The following SEMA3A variants were observed in gnomAD, a reference collection of about 807,000 sequenced individuals.
SEMA3A encodes the protein semaphorin-3A.
Under a neutral mutation model 97.9 loss-of-function variants are expected in SEMA3A, and 29 were observed. The observed-to-expected ratio is 0.30, with a 90% CI of 0.22 to 0.40. The LOEUF (loss-of-function observed/expected upper bound fraction) is 0.40, where lower values mean the gene tolerates loss of function less well. Among genes scored for constraint, SEMA3A ranks in the 10% least tolerant of loss-of-function variants. SEMA3A has a pLI of 1.00. For synonymous variants in SEMA3A, 321 were observed against 323.7 expected (o/e 0.99, Z 0.09); for missense variants, 763 against 951.3 (o/e 0.80, Z 2.60).
At chr7:84,008,310 T>A (rs1790747286) in intron 9 of SEMA3A, among the ~76,000 whole-genome samples, 1 of 151,796 alleles carries the variant, frequency 6.6e-6, no homozygotes, top group Admixed American at 6.6e-5. Flanking sequence ...GCTAACACGG[T>A]GAAACCCCGT....
chr7:84,011,402 A>C, intron 7 of SEMA3A, 105 bp from the exon 8 acceptor site: 46 of 753,360 alleles, frequency 6.1e-5, no homozygotes, highest in Non-Finnish European at 9.3e-5. Context: ...ACAGTTTCTC[A>C]TGTTTTAAAA....
At chr7:84,232,244 T>C (rs1799132421) in intron 3 of SEMA3A, among the ~76,000 whole-genome samples, 1 of 148,008 alleles carries the variant, frequency 6.8e-6, no homozygotes, top group Admixed American at 6.8e-5. Flanking sequence ...TATATATATA[T>C]TTATATGTAT....
intron 1 of SEMA3A, among the ~76,000 whole-genome samples, chr7:84,456,430 T>C (rs182192029): frequency 6.6e-6 from 1 of 151,984 alleles, no homozygotes; most frequent in East Asian, 1.9e-4. Flanking sequence ...TATCAGACAC[T>C]CTGATTAAGT....
intron 2 of SEMA3A, among the ~76,000 whole-genome samples, chr7:84,334,402 T>TA (rs1372410511): frequency 1.3e-5 from 2 of 152,152 alleles, no homozygotes; most frequent in East Asian, 3.8e-4. Flanking sequence ...TTTTATGGAT[T>TA]AGAAAAGTTT....
chr7:84,165,978 A>G (rs1424006544), intron 1 of SEMA3A, among the ~76,000 whole-genome samples: 3 of 152,208 alleles, frequency 2.0e-5, no homozygotes, highest in Non-Finnish European at 4.4e-5. Context: ...GTAAGATAAG[A>G]AAGATGAGAT....
At chr7:84,197,575 A>G (rs182952032), upstream of SEMA3A, among the ~76,000 whole-genome samples, 118 of 152,110 alleles carry the variant, frequency 7.8e-4, no homozygotes, top group African/African-American at 2.7e-3. Flanking sequence ...TTTTCTTAAT[A>G]TCCCCAAATA....
intron 15 of SEMA3A, among the ~76,000 whole-genome samples, chr7:83,964,851 GT>G (rs932002067): frequency 3.6e-4 from 54 of 151,370 alleles, no homozygotes; most frequent in East Asian, 2.5e-3. Flanking sequence ...TGTATAGGCT[GT>G]TTTTTTTTCC....
chr7:84,141,465 T>C (rs1796289053), intron 1 of SEMA3A, among the ~76,000 whole-genome samples: 3 of 152,176 alleles, frequency 2.0e-5, no homozygotes, highest in Admixed American at 2.0e-4. Context: ...CAGATGCTTA[T>C]TTTTAGTTAA....
At chr7:84,403,067 T>A (rs374839778) in intron 1 of SEMA3A, among the ~76,000 whole-genome samples, 44 of 152,084 alleles carry the variant, frequency 2.9e-4, no homozygotes, top group Non-Finnish European at 5.3e-4. Flanking sequence ...GTGGGTGCAG[T>A]GCATGGTGCA....
intron 3 of SEMA3A, among the ~76,000 whole-genome samples, chr7:84,263,191 C>G (rs1439873382): frequency 6.6e-6 from 1 of 151,570 alleles, no homozygotes; most frequent in Non-Finnish European, 1.5e-5. Flanking sequence ...TCCCCAAATT[C>G]TAAAATACAT....
At chr7:84,264,665 G>A (rs1799946286) in intron 3 of SEMA3A, among the ~76,000 whole-genome samples, 1 of 152,116 alleles carries the variant, frequency 6.6e-6, no homozygotes, top group Non-Finnish European at 1.5e-5. Flanking sequence ...TTCATGCCTA[G>A]AAAAACAAAA....
intron 1 of SEMA3A, among the ~76,000 whole-genome samples, chr7:84,146,740 T>C (rs1171876575): frequency 1.3e-5 from 2 of 152,198 alleles, no homozygotes; most frequent in Admixed American, 6.5e-5. Flanking sequence ...TAGATTCTTC[T>C]TTTAAAATTC....
At chr7:84,002,238 T>TAA (rs1417057079) in intron 11 of SEMA3A, among the ~76,000 whole-genome samples, 192 bp from the exon 12 acceptor site, 2 of 152,148 alleles carry the variant, frequency 1.3e-5, no homozygotes, top group African/African-American at 4.8e-5. Flanking sequence ...AGTGTAAAGG[T>TAA]AAACTATAAA....
chr7:84,200,379 G>C (rs1798324574), intron 3 of SEMA3A, among the ~76,000 whole-genome samples: 1 of 152,048 alleles, frequency 6.6e-6, no homozygotes, highest in African/African-American at 2.4e-5. Flanking sequence ...ACAATTCAGG[G>C]AAAGTCTTCT....
intron 1 of SEMA3A, among the ~76,000 whole-genome samples, chr7:84,479,772 C>T (rs904907797): frequency 3.9e-5 from 6 of 152,154 alleles, no homozygotes; most frequent in African/African-American, 1.4e-4. Context: ...TACTGCTCTG[C>T]ATTAAGATGA....
At chr7:84,453,824 A>G in intron 1 of SEMA3A, among the ~76,000 whole-genome samples, 1 of 152,334 alleles carries the variant, frequency 6.6e-6, no homozygotes, top group East Asian at 1.9e-4. Context: ...TTGTTCAAAT[A>G]TCACTTCAAT....
intron 6 of SEMA3A, among the ~76,000 whole-genome samples, chr7:84,020,124 C>T (rs1360756182): frequency 7.3e-6 from 1 of 137,536 alleles, no homozygotes; most frequent in Non-Finnish European, 1.5e-5. Flanking sequence ...CGGCCCACTG[C>T]AACCTCCACC....
intron 1 of SEMA3A, among the ~76,000 whole-genome samples, chr7:84,194,055 G>T (rs1379627979): frequency 1.3e-5 from 2 of 152,048 alleles, no homozygotes; most frequent in African/African-American, 4.8e-5. Context: ...ACCATTTCAT[G>T]TCTAAAACTA....
At chr7:84,196,942 T>G (rs1176754694), upstream of SEMA3A, among the ~76,000 whole-genome samples, 1 of 152,108 alleles carries the variant, frequency 6.6e-6, no homozygotes, top group African/African-American at 2.4e-5. Context: ...ATAATAAAAT[T>G]TATAAGTGTA....
Sources: gnomAD v4.1 joint callset for allele counts (sites outside exome capture counted in the v4.1 genomes callset) on GRCh38, gnomAD v4.1.1 for gene constraint, MANE v1.5 for transcripts, NCBI Gene and HGNC (gene_info 2026-07-23, HGNC 2026-07-21) for gene names.